The following SUFU variants were observed in gnomAD, a reference collection of about 807,000 sequenced individuals.
SUFU encodes suppressor of fused homolog.
SUFU carries 7 observed loss-of-function variants against 58.9 expected under a neutral mutation model. That is an observed-to-expected ratio of 0.12 (90% CI 0.07 to 0.22). SUFU has a LOEUF of 0.22. SUFU is among the 10% of genes least tolerant of loss of function. SUFU has a pLI of 1.00. For missense variants in SUFU, 451 were observed against 641.3 expected (o/e 0.70, Z 3.20); for synonymous variants, 232 against 254.8 (o/e 0.91, Z 0.85).
chr10:102,504,059 G>T lies in SUFU; in HGVS notation c.-94G>T. On this transcript the variant is annotated 5_prime_UTR_variant, in exon 1 of 12. Transcript: ENST00000369902. ...TCGCTGCAGCCCCCATCGCCTCGGGGAGTCTCACCCACCGAGTCCGCCCGC... is the reference window on the plus strand; with the variant it reads ...TCGCTGCAGCCCCCATCGCCTCGGGTAGTCTCACCCACCGAGTCCGCCCGC... 6.9e-7 allele frequency: 1 copy of T among 1,445,410 alleles called. No homozygotes were observed. The highest frequency in any genetic ancestry group is 9.1e-7 in the Non-Finnish European group (1 of 1,099,234). 89.5% of individuals were successfully genotyped at this position (1,445,410 alleles called of 1,614,324 possible). A position where few individuals can be genotyped will look rare whatever the true frequency, so the allele number is the denominator to read the frequency against.
intron 3 of SUFU, among the ~76,000 whole-genome samples, chr10:102,556,757 GAGGGAGGAAGGA>G (rs59831410): frequency 7.2e-6 from 1 of 138,514 alleles, no homozygotes; most frequent in Non-Finnish European, 1.5e-5. Context: ...AAAAGGAAGG[GAGGGAGGAAGGA>G]AGGGAAGAAG....
intron 6 of SUFU, among the ~76,000 whole-genome samples, chr10:102,595,664 G>C (rs2063453886): frequency 1.3e-5 from 2 of 152,156 alleles, no homozygotes; most frequent in African/African-American, 4.8e-5. Context: ...GTCTTTGAAA[G>C]CAAGCCAGGG....
At chr10:102,504,957 G>GCTCTTCCT (rs2062306428) in intron 1 of SUFU, among the ~76,000 whole-genome samples, 1 of 152,278 alleles carries the variant, frequency 6.6e-6, no homozygotes, top group South Asian at 2.1e-4. Flanking sequence ...TGACGGAGCA[G>GCTCTTCCT]CTCTTCCTGA....
In SUFU at chr10:102,503,978, G is replaced by A. The variant is rs553884422; in HGVS notation, c.-175G>A. On this transcript the variant is annotated 5_prime_UTR_variant, in exon 1 of 12. Coordinates refer to ENST00000369902, the MANE Select transcript of SUFU (RefSeq NM_016169.4). Reference sequence around the variant, plus strand: ...CCCCGAGGCACCCTCTGGCAGACTCGGCGGCGGCGACAGCCTGGGCGGACA... The same window carrying A: ...CCCCGAGGCACCCTCTGGCAGACTCAGCGGCGGCGACAGCCTGGGCGGACA... The A allele has an allele frequency of 1.1e-4, 104 of 925,528 alleles. No individual in the cohort carries two copies. In the South Asian group the frequency reaches 2.0e-3, roughly 18 times the overall value. 57.3% of individuals were successfully genotyped at this position (925,528 alleles called of 1,614,324 possible). A position where few individuals can be genotyped will look rare whatever the true frequency, so the allele number is the denominator to read the frequency against.
chr10:102,555,147 G>A (rs543258331), intron 3 of SUFU, among the ~76,000 whole-genome samples: 4 of 151,760 alleles, frequency 2.6e-5, no homozygotes, highest in Non-Finnish European at 5.9e-5. Context: ...GGGCGCCTGT[G>A]GTCCCAGCTA....
chr10:102,618,034 A>T (rs1371165568), intron 10 of SUFU: 1 of 159,600 alleles, frequency 6.3e-6, no homozygotes, highest in African/African-American at 2.4e-5. Context: ...AGCTGTTGCC[A>T]AGCAGGGTAC....
At chr10:102,589,963 T>G (rs965644863) in intron 3 of SUFU, among the ~76,000 whole-genome samples, 7 of 145,344 alleles carry the variant, frequency 4.8e-5, no homozygotes, top group South Asian at 2.2e-4. Context: ...CAAATCTGAG[T>G]TTTTTTTTTT....
At chr10:102,592,903 T>A (rs1468899534) in intron 4 of SUFU, among the ~76,000 whole-genome samples, 179 bp downstream of exon 4, 2 of 151,986 alleles carry the variant, frequency 1.3e-5, no homozygotes, top group Admixed American at 6.6e-5. Context: ...CCTGCTGAGA[T>A]GGGAGAGGGG....
At chr10:102,543,303 A>T (rs914376767) in intron 2 of SUFU, among the ~76,000 whole-genome samples, 3 of 152,044 alleles carry the variant, frequency 2.0e-5, no homozygotes, top group African/African-American at 7.2e-5. Context: ...TTCTTTTATT[A>T]TGTGTGAGGT....
intron 3 of SUFU, among the ~76,000 whole-genome samples, chr10:102,569,030 A>G (rs1371851207): frequency 6.8e-6 from 1 of 148,132 alleles, no homozygotes; most frequent in Admixed American, 6.8e-5. Flanking sequence ...CCCCTCTAGG[A>G]TAAATAGACC....
Position 102,617,173 on chromosome 10 carries a change from C to A in SUFU, c.1158-117C>A. The A allele has an allele frequency of 7.4e-7, 1 of 1,355,162 alleles. No individual in the cohort carries two copies. 83.9% of individuals were successfully genotyped at this position (1,355,162 alleles called of 1,614,324 possible). A position where few individuals can be genotyped will look rare whatever the true frequency, so the allele number is the denominator to read the frequency against. On this transcript the variant is annotated intron_variant, in intron 9 of 11. Transcript: ENST00000369902. This position sits in a 1 kb window ranked among gnomAD's most constrained non-coding sequence, Gnocchi z 4.4. ...ATGGGCAGGTGGGCAGCCAGGAGGGCATGTTACCTGGCCCGCGGACCATAG... is the reference window on the plus strand; with the variant it reads ...ATGGGCAGGTGGGCAGCCAGGAGGGAATGTTACCTGGCCCGCGGACCATAG...
At chr10:102,572,890 A>T in intron 3 of SUFU, 1 of 821,972 alleles carries the variant, frequency 1.2e-6, no homozygotes, top group South Asian at 1.3e-5. Context: ...GAGCTTCTTC[A>T]CAGCCTATTT....
intron 2 of SUFU, among the ~76,000 whole-genome samples, chr10:102,520,864 C>G (rs1042674018): frequency 1.3e-5 from 2 of 152,168 alleles, no homozygotes; most frequent in Non-Finnish European, 2.9e-5. Flanking sequence ...TTTATTCTTT[C>G]ACCTTTTGAA....
chr10:102,504,919 T>G (rs77756888), intron 1 of SUFU, among the ~76,000 whole-genome samples: 194 of 152,304 alleles, frequency 1.3e-3, no homozygotes, highest in African/African-American at 4.6e-3. Context: ...AGACGTCGTA[T>G]CAGGGCAAAG....
intron 10 of SUFU, among the ~76,000 whole-genome samples, chr10:102,626,680 T>G (rs1225854985): frequency 6.6e-6 from 1 of 152,184 alleles, no homozygotes. Flanking sequence ...CATTCTTGGA[T>G]GTACCTTCCA....
At chr10:102,554,991 G>A (rs892761327) in intron 3 of SUFU, among the ~76,000 whole-genome samples, 30 of 152,134 alleles carry the variant, frequency 2.0e-4, no homozygotes, top group African/African-American at 6.5e-4. Context: ...TGGATTGGCC[G>A]GGCGCAGTGG....
intron 3 of SUFU, among the ~76,000 whole-genome samples, chr10:102,565,140 A>G (rs2063074303): frequency 6.6e-6 from 1 of 152,254 alleles, no homozygotes; most frequent in African/African-American, 2.4e-5. Flanking sequence ...ATCATGGATT[A>G]CCTGGGCTTC....
chr10:102,558,844 C>T (rs758571603), intron 3 of SUFU, among the ~76,000 whole-genome samples: 7 of 152,178 alleles, frequency 4.6e-5, no homozygotes, highest in Non-Finnish European at 8.8e-5. Flanking sequence ...GTCGATGGAG[C>T]GGGCACTTTC....
At chr10:102,583,579 T>G (rs1272831855) in intron 3 of SUFU, among the ~76,000 whole-genome samples, 1 of 152,246 alleles carries the variant, frequency 6.6e-6, no homozygotes, top group East Asian at 1.9e-4. Context: ...TTGCACAGTA[T>G]TTTAAAATCA....
Sources: gnomAD v4.1 joint callset for allele counts (sites outside exome capture counted in the v4.1 genomes callset) on GRCh38, gnomAD v4.1.1 for gene constraint, Gnocchi (gnomAD v3.1) non-coding constraint, MANE v1.5 for transcripts, NCBI Gene and HGNC (gene_info 2026-07-23, HGNC 2026-07-21) for gene names.